Variants in GLT1D1 observed in about 807,000 individuals in gnomAD.
GLT1D1 encodes the protein glycosyltransferase 1 domain containing 1, also known as glycosyltransferase 1 domain-containing protein 1.
Under a neutral mutation model 28.7 loss-of-function variants are expected in GLT1D1, and 21 were observed. That is an observed-to-expected ratio of 0.73 (90% CI 0.52 to 1.05). GLT1D1 has a LOEUF of 1.05. GLT1D1 is among the 50% of genes least tolerant of loss of function. The pLI is 0.00. For missense variants in GLT1D1, 343 were observed against 330.6 expected (o/e 1.04, Z -0.29); for synonymous variants, 147 against 124.8 (o/e 1.18, Z -1.19).
intron 7 of GLT1D1, among the ~76,000 whole-genome samples, chr12:128,968,006 GT>G (rs901398248): frequency 1.3e-5 from 2 of 151,996 alleles, no homozygotes; most frequent in East Asian, 3.9e-4. Flanking sequence ...GTTTTGCTTT[GT>G]TTTTTTTGAG....
intron 7 of GLT1D1, among the ~76,000 whole-genome samples, chr12:128,967,345 C>T (rs1484102620): frequency 1.3e-5 from 2 of 152,246 alleles, no homozygotes; most frequent in Non-Finnish European, 2.9e-5. Context: ...AAACATCAGC[C>T]TCCAAACTTT....
chr12:128,908,909 C>A (rs890442695), intron 4 of GLT1D1, among the ~76,000 whole-genome samples: 50 of 151,878 alleles, frequency 3.3e-4, no homozygotes, highest in Admixed American at 9.8e-4. Flanking sequence ...AGATCGCGCC[C>A]CTGCACTCCA....
chr12:128,922,978 A>G (rs2135909020), intron 4 of GLT1D1, among the ~76,000 whole-genome samples: 1 of 151,432 alleles, frequency 6.6e-6, no homozygotes, highest in African/African-American at 2.4e-5. Context: ...AACTCTACAT[A>G]TTCAATGAAA....
At chr12:128,959,411 T>TGG (rs1555219940) in intron 7 of GLT1D1, among the ~76,000 whole-genome samples, 24 of 31,532 alleles carry the variant, frequency 7.6e-4, no homozygotes, top group African/African-American at 1.9e-3. Flanking sequence ...CATGAGGCAG[T>TGG]GGGGGGGGAC....
Position 128,906,581 on chromosome 12 carries a change from T to A in GLT1D1, c.375+7294T>A, listed in dbSNP as rs528423146. On this transcript the variant is annotated intron_variant, in intron 4 of 7. Transcript: ENST00000281703. ...TTATTTATGAGCTATATTTAAAAAA[T>A]CCTGTTTGAGTAAATATTGCTTGAA... Among the ~76,000 whole-genome samples the A allele has an allele frequency of 7.3e-3, 1,115 of 152,256 alleles. 5 individuals carry two copies. Among genetic ancestry groups the A allele is most frequent in the Non-Finnish European group, 0.012 (820 of 68,024 alleles).
rs540493441 is a variant in GLT1D1, at chr12:128,886,197, T to C, written c.218-2442T>C. ...TGTGAGTCCATTAAACCTCTTTCTT[T>C]TGTAAATTGCCCAGACATATCCAAT... On this transcript the variant is annotated intron_variant, in intron 2 of 7. Transcript: ENST00000281703. 2.0e-5 allele frequency among the ~76,000 whole-genome samples: 3 copies of C among 152,234 alleles called. No homozygotes were observed. The South Asian group carries it at 6.2e-4, about 31-fold the overall frequency.
chr12:128,960,165 C>T (rs1261176450), intron 7 of GLT1D1, among the ~76,000 whole-genome samples: 1 of 152,100 alleles, frequency 6.6e-6, no homozygotes, highest in Admixed American at 6.5e-5. Flanking sequence ...CCAGCGCTTT[C>T]GTGTTCATTT....
intron 4 of GLT1D1, among the ~76,000 whole-genome samples, chr12:128,909,533 G>C (rs1380844419): frequency 6.6e-6 from 1 of 152,162 alleles, no homozygotes; most frequent in Non-Finnish European, 1.5e-5. Context: ...GTCTGAAGTT[G>C]TATTATAATT....
chr12:128,955,971 AAC>A (rs994217059), intron 6 of GLT1D1, among the ~76,000 whole-genome samples: 1 of 151,644 alleles, frequency 6.6e-6, no homozygotes, highest in Non-Finnish European at 1.5e-5. Context: ...TGAGTTGGCT[AAC>A]ACAGTGAAAC....
intron 7 of GLT1D1, among the ~76,000 whole-genome samples, chr12:128,979,007 AC>A (rs1880065632): frequency 6.6e-6 from 1 of 151,912 alleles, no homozygotes; most frequent in African/African-American, 2.4e-5. Context: ...GGTCTCTGTG[AC>A]CTGTGTCTTG....
At chr12:128,977,094 C>T (rs1454163243) in intron 7 of GLT1D1, among the ~76,000 whole-genome samples, 2 of 152,178 alleles carry the variant, frequency 1.3e-5, no homozygotes, top group African/African-American at 4.8e-5. Flanking sequence ...TGCAGTGAGC[C>T]GAGATCGCGC....
chr12:128,882,966 G>T (rs898354479), intron 2 of GLT1D1, among the ~76,000 whole-genome samples: 1 of 149,960 alleles, frequency 6.7e-6, no homozygotes, highest in Non-Finnish European at 1.5e-5. Context: ...TCACTCTGTC[G>T]CCAGGCTGTA....
At position 128,853,620 on chromosome 12, in the gene GLT1D1, C is replaced by T. The variant is rs1373172537; in HGVS notation, c.39C>T (p.Thr13=). 2 of 1,179,528 alleles carry T rather than the reference C, an allele frequency of 1.7e-6. No homozygotes were observed. The highest frequency in any genetic ancestry group is 1.6e-5 in the African/African-American group (1 of 61,338). 73.1% of individuals were successfully genotyped at this position (1,179,528 alleles called of 1,614,324 possible). ...TCCTGGCGGTGCTGCGGCCACACAC[C>T]GGCAACGCGGTCACGGCCCAGCGCG... Residue 13 remains threonine (T), a synonymous_variant, in exon 1 of 8, where the codon ACC becomes ACT. Transcript: ENST00000281703.
At chr12:128,867,835 G>A (rs1178885013) in intron 1 of GLT1D1, among the ~76,000 whole-genome samples, 1 of 152,234 alleles carries the variant, frequency 6.6e-6, no homozygotes, top group African/African-American at 2.4e-5. Flanking sequence ...CGGAGGGACT[G>A]TGGGTCCGAG....
chr12:128,977,007 G>T (rs759072339), intron 7 of GLT1D1, among the ~76,000 whole-genome samples: 1 of 152,168 alleles, frequency 6.6e-6, no homozygotes, highest in Non-Finnish European at 1.5e-5. Context: ...TTAGTCGGGC[G>T]TGGTGGCACA....
intron 7 of GLT1D1, among the ~76,000 whole-genome samples, chr12:128,969,391 A>G (rs1468366309): frequency 6.6e-6 from 1 of 152,056 alleles, no homozygotes; most frequent in African/African-American, 2.4e-5. Context: ...CTTGGGGAGA[A>G]GGGACCATTT....
At chr12:128,916,807 C>T (rs532817124) in intron 4 of GLT1D1, among the ~76,000 whole-genome samples, 1 of 152,176 alleles carries the variant, frequency 6.6e-6, no homozygotes, top group East Asian at 1.9e-4. Flanking sequence ...GTTTGCTTAA[C>T]CATGTCTTTT....
intron 4 of GLT1D1, among the ~76,000 whole-genome samples, chr12:128,933,226 C>T (rs2135931146): frequency 6.6e-6 from 1 of 152,362 alleles, no homozygotes; most frequent in East Asian, 1.9e-4. Flanking sequence ...TTTCTAGTTC[C>T]TCAGCCGACG....
chr12:128,854,793 G>A (rs1275076785), intron 1 of GLT1D1, among the ~76,000 whole-genome samples: 2 of 152,032 alleles, frequency 1.3e-5, no homozygotes, highest in Non-Finnish European at 2.9e-5. Flanking sequence ...CACTGTGCCC[G>A]GCCTCCTCAT....
Sources: allele counts gnomAD v4.1 joint callset (sites outside exome capture counted in the v4.1 genomes callset), GRCh38; gene constraint gnomAD v4.1.1; transcripts MANE v1.5; gene names NCBI Gene and HGNC (gene_info 2026-07-23, HGNC 2026-07-21).